ALDH2: variants seen among roughly 807,000 people sequenced by gnomAD.
The protein encoded by ALDH2 is aldehyde dehydrogenase 2 family member.
Under a neutral mutation model 59.6 loss-of-function variants are expected in ALDH2, and 44 were observed. The observed-to-expected ratio is 0.74, with a 90% CI of 0.58 to 0.95. ALDH2 has a LOEUF of 0.95. Among genes scored for constraint, ALDH2 ranks in the 40% least tolerant of loss-of-function variants. ALDH2 has a pLI of 0.00. For missense variants in ALDH2, 570 were observed against 696.3 expected (o/e 0.82, Z 2.04); for synonymous variants, 291 against 284.0 (o/e 1.02, Z -0.25).
chr12:111,778,326 C>G (rs1370018366), intron 1 of ALDH2, among the ~76,000 whole-genome samples: 2 of 152,128 alleles, frequency 1.3e-5, no homozygotes, highest in East Asian at 3.9e-4. Context: ...GAGTGGATCA[C>G]CTGAGGTCAG....
rs2068351410 is a variant in ALDH2 at position 111,790,704 on chromosome 12, C to A, written c.681+142C>A. The A allele has an allele frequency of 2.7e-6, 3 of 1,116,150 alleles. No individual in the cohort carries two copies. In the South Asian group the frequency reaches 4.8e-5, roughly 18 times the overall value. 69.1% of individuals were successfully genotyped at this position (1,116,150 alleles called of 1,614,324 possible). A position where few individuals can be genotyped will look rare whatever the true frequency, so the allele number is the denominator to read the frequency against. ...ATCACCATGTGAACCAGAGTGGCTCCCTCTTAGCTTTTTTCCACATTGGAC... is the reference window on the plus strand; with the variant it reads ...ATCACCATGTGAACCAGAGTGGCTCACTCTTAGCTTTTTTCCACATTGGAC... On this transcript the variant is annotated intron_variant, in intron 6 of 12. Transcript: ENST00000261733.
chr12:111,781,728 C>T (rs2068273104), intron 1 of ALDH2, among the ~76,000 whole-genome samples, 190 bp from the exon 2 acceptor site: 2 of 152,078 alleles, frequency 1.3e-5, no homozygotes, highest in Non-Finnish European at 2.9e-5. Flanking sequence ...AGTGACTTAC[C>T]CAAGGTCACT....
At position 111,798,203 on chromosome 12, in the gene ALDH2, T is replaced by C. The variant is rs750644484; in HGVS notation, c.1209T>C (p.Phe403=). Reference sequence around the variant, plus strand: ...GTTACTTCATCCAGCCCACTGTGTTTGGAGATGTGCAGGATGGCATGACCA... The same window carrying C: ...GTTACTTCATCCAGCCCACTGTGTTCGGAGATGTGCAGGATGGCATGACCA... The part of the protein sequence containing the change: ...DRGYFIQPTV[F]GDVQDGMTIA... The change falls in exon 10 of 13, where the codon TTT becomes TTC. Residue 403 remains phenylalanine (F), a synonymous_variant. Transcript: ENST00000261733. 2 of 1,596,098 alleles carry C rather than the reference T, an allele frequency of 1.3e-6. No homozygotes were observed. Among genetic ancestry groups the C allele is most frequent in the Admixed American group, 3.4e-5 (2 of 58,472 alleles).
At position 111,789,833 on chromosome 12, in the gene ALDH2, G is replaced by A. The variant is rs1181066073; in HGVS notation, c.451G>A (p.Gly151Ser). The change falls in exon 5 of 13, where the codon GGC becomes AGC. Residue 151 changes from glycine (G) to serine (S), a missense_variant. By Grantham distance (56) the Gly-to-Ser change is moderately conservative. Coordinates refer to ENST00000261733, the MANE Select transcript of ALDH2 (RefSeq NM_000690.4). ...MVLKCLRYYA[G>S]WADKYHGKTI... ...TTTCTTTGTTTAAAGGTATTATGCC[G>A]GCTGGGCTGATAAGTACCACGGGAA... 5.0e-6 allele frequency: 8 copies of A among 1,613,974 alleles called. No individual in the cohort carries two copies. Among genetic ancestry groups the A allele is most frequent in the Admixed American group, 1.7e-5 (1 of 59,984 alleles).
chr12:111,793,734 C>T (rs1315161555), intron 9 of ALDH2, among the ~76,000 whole-genome samples: 1 of 150,428 alleles, frequency 6.6e-6, no homozygotes, highest in African/African-American at 2.4e-5. Context: ...TACAGGTGCG[C>T]ACCACCACGC....
intron 9 of ALDH2, among the ~76,000 whole-genome samples, chr12:111,795,132 T>C (rs1292105892): frequency 6.6e-6 from 1 of 152,212 alleles, no homozygotes; most frequent in Non-Finnish European, 1.5e-5. Flanking sequence ...TAAAGGTTCA[T>C]CCATGTTGTA....
At chr12:111,797,157 A>G (rs868548680) in intron 9 of ALDH2, among the ~76,000 whole-genome samples, 1 of 150,062 alleles carries the variant, frequency 6.7e-6, no homozygotes, top group African/African-American at 2.5e-5. Flanking sequence ...CTAGTCTTGA[A>G]CTCCTGACCT....
chr12:111,803,223 T>A, intron 11 of ALDH2, among the ~76,000 whole-genome samples: 1 of 147,364 alleles, frequency 6.8e-6, no homozygotes, highest in African/African-American at 2.5e-5. Context: ...TAAATAAAAA[T>A]AAATAAATAA....
intron 7 of ALDH2, among the ~76,000 whole-genome samples, 180 bp from the exon 8 acceptor site, chr12:111,791,881 G>T (rs1323997959): frequency 6.6e-6 from 1 of 152,114 alleles, no homozygotes; most frequent in East Asian, 1.9e-4. Flanking sequence ...CAGCCTAGGT[G>T]ACAGAGCGAG....
At chr12:111,790,900 A>AC (rs1166137864) in intron 6 of ALDH2, among the ~76,000 whole-genome samples, 2 of 152,094 alleles carry the variant, frequency 1.3e-5, no homozygotes, top group Non-Finnish European at 2.9e-5. Flanking sequence ...ACAAAAAATT[A>AC]AAAATCAGCT....
chr12:111,768,357 A>G (rs1043559845), intron 1 of ALDH2, among the ~76,000 whole-genome samples: 2 of 152,214 alleles, frequency 1.3e-5, no homozygotes, highest in Admixed American at 1.3e-4. Context: ...TGTGGCTGCA[A>G]ATCTGGATAT....
chr12:111,799,791 A>T, intron 10 of ALDH2, 115 bp from the exon 11 acceptor site: 1 of 1,271,438 alleles, frequency 7.9e-7, no homozygotes, highest in South Asian at 1.5e-5. Flanking sequence ...TGGAACTGTT[A>T]GAGCATGGCT....
chr12:111,791,440 A>G (rs375522582), intron 7 of ALDH2, 21 bp downstream of exon 7: 8 of 1,573,228 alleles, frequency 5.1e-6, no homozygotes, highest in African/African-American at 2.7e-5. Flanking sequence ...CCTGGCCTCA[A>G]GCTTGCAGCC....
chr12:111,803,815 A>C, intron 11 of ALDH2, 44 bp from the exon 12 acceptor site: 1 of 1,451,396 alleles, frequency 6.9e-7, no homozygotes, highest in Non-Finnish European at 9.4e-7. Context: ...AGTGTAACCC[A>C]TAACCCCCAA....
At chr12:111,808,369 C>G (rs1015248579) in intron 12 of ALDH2, among the ~76,000 whole-genome samples, 3 of 152,040 alleles carry the variant, frequency 2.0e-5, no homozygotes, top group African/African-American at 7.2e-5. Context: ...AGCAATTACA[C>G]TTGATTGTGC....
intron 4 of ALDH2, among the ~76,000 whole-genome samples, chr12:111,787,252 C>T (rs1243002691): frequency 6.6e-6 from 1 of 151,974 alleles, no homozygotes; most frequent in Non-Finnish European, 1.5e-5. Flanking sequence ...CCAACTTAAA[C>T]GATAGAGTCA....
At chr12:111,795,743 C>T (rs978669535) in intron 9 of ALDH2, among the ~76,000 whole-genome samples, 1 of 151,418 alleles carries the variant, frequency 6.6e-6, no homozygotes, top group African/African-American at 2.4e-5. Flanking sequence ...AGGCGCCCAC[C>T]ACCATGCCCA....
intron 9 of ALDH2, among the ~76,000 whole-genome samples, chr12:111,795,596 CTT>C (rs112888725): frequency 9.3e-5 from 12 of 129,256 alleles, no homozygotes; most frequent in Non-Finnish European, 6.6e-5. Context: ...CATTTCTTTT[CTT>C]TTTTTTTTTT....
chr12:111,768,881 G>A (rs2283354), intron 1 of ALDH2, among the ~76,000 whole-genome samples: 26,591 of 152,056 alleles, frequency 0.17, 2,340 homozygotes, highest in Middle Eastern at 0.27. Context: ...CTATATGGGA[G>A]GCCGAGGTGG....
Sources: gnomAD v4.1 joint callset for allele counts (sites outside exome capture counted in the v4.1 genomes callset) on GRCh38, gnomAD v4.1.1 for gene constraint, MANE v1.5 for transcripts, NCBI Gene and HGNC (gene_info 2026-07-23, HGNC 2026-07-21) for gene names.